The following CEACAM19 variants were observed in gnomAD, a reference collection of about 807,000 sequenced individuals.
The protein encoded by CEACAM19 is cell adhesion molecule CEACAM19.
In CEACAM19, 37 loss-of-function variants were observed where a neutral mutation model predicts 37.6. The observed-to-expected ratio is 0.98, with a 90% CI of 0.76 to 1.29. CEACAM19 has a LOEUF of 1.29. CEACAM19 is among the 50% of genes most tolerant of loss of function. The pLI is 0.00. For synonymous variants in CEACAM19, 140 were observed against 149.8 expected (o/e 0.93, Z 0.48); for missense variants, 340 against 375.6 (o/e 0.91, Z 0.78).
chr19:44,668,003 AGATTTATAT>A (rs1167099126), upstream of CEACAM19, among the ~76,000 whole-genome samples: 3 of 34 alleles, frequency 0.088, no homozygotes, highest in South Asian at 0.25. Context: ...ATATTTATAT[AGATTTATAT>A]TATTTATATA....
intron 2 of CEACAM19, among the ~76,000 whole-genome samples, chr19:44,674,695 C>A (rs989143070): frequency 1.3e-5 from 2 of 152,156 alleles, no homozygotes; most frequent in African/African-American, 4.8e-5. Context: ...GAGCCACCAC[C>A]CCTGGCCCCT....
chr19:44,683,269 C>T, intron 7 of CEACAM19, 168 bp from the exon 8 acceptor site: 1 of 495,814 alleles, frequency 2.0e-6, no homozygotes, highest in Non-Finnish European at 3.7e-6. Context: ...CTTGGCTCTT[C>T]CAGGACCTCT....
At chr19:44,667,758 ATT>A (rs1973751797), upstream of CEACAM19, among the ~76,000 whole-genome samples, 1 of 74,674 alleles carries the variant, frequency 1.3e-5, no homozygotes, top group African/African-American at 5.7e-5. Flanking sequence ...AATTATATAA[ATT>A]ATATATATTT....
At chr19:44,676,212 G>A in intron 2 of CEACAM19, 59 bp from the exon 3 acceptor site, 3 of 1,552,046 alleles carry the variant, frequency 1.9e-6, no homozygotes, top group Middle Eastern at 1.7e-4. Context: ...AGGGACTGGG[G>A]GAGCCCTCAG....
intron 7 of CEACAM19, chr19:44,683,039 T>A (rs113519189): frequency 1.6e-5 from 4 of 245,580 alleles, no homozygotes; most frequent in Non-Finnish European, 3.1e-5. Context: ...TGTATGTCTG[T>A]CTTCCCCTTT....
At chr19:44,670,972 G>A (rs990641756), upstream of CEACAM19, among the ~76,000 whole-genome samples, 1 of 151,880 alleles carries the variant, frequency 6.6e-6, no homozygotes, top group African/African-American at 2.4e-5. Flanking sequence ...GCGCATGCCT[G>A]CATTTCCAGC....
chr19:44,677,432 G>GGAGA (rs146217697), intron 3 of CEACAM19, among the ~76,000 whole-genome samples: 743 of 147,880 alleles, frequency 5.0e-3, no homozygotes, highest in African/African-American at 0.016. Context: ...CTACTTGTAT[G>GGAGA]GAGAGAGAGA....
chr19:44,667,563 AATAT>A (rs971020952), upstream of CEACAM19, among the ~76,000 whole-genome samples: 2 of 118,438 alleles, frequency 1.7e-5, no homozygotes, highest in African/African-American at 6.4e-5. Flanking sequence ...ATGTATATGT[AATAT>A]ATATATAAAT....
chr19:44,680,174 G>A (rs1974029011), intron 4 of CEACAM19, 114 bp from the exon 5 acceptor site: 2 of 790,284 alleles, frequency 2.5e-6, no homozygotes, highest in East Asian at 5.0e-5. Context: ...CACTCTGAAG[G>A]AGAGACCATG....
rs1360806799 is a variant in CEACAM19, at chr19:44,680,349, C to T, written c.706+15C>T. ...TCATGATGCTGGTAAGGCGGGAGCC[C>T]CAGATCTCACTACCTAGCCCTCCTC... On this transcript the variant is annotated intron_variant, in intron 5 of 7. Coordinates refer to ENST00000358777, the MANE Select transcript of CEACAM19 (RefSeq NM_001127893.3). 4 of 1,607,976 alleles carry T rather than the reference C, an allele frequency of 2.5e-6. No individual in the cohort carries two copies. Among genetic ancestry groups the T allele is most frequent in the Non-Finnish European group, 3.4e-6 (4 of 1,177,284 alleles).
upstream of CEACAM19, among the ~76,000 whole-genome samples, chr19:44,671,077 C>T (rs900618761): frequency 2.0e-5 from 3 of 151,102 alleles, no homozygotes; most frequent in South Asian, 4.2e-4. Flanking sequence ...GCAACAAGAG[C>T]GAAACTCCAT....
At chr19:44,678,962 G>T in intron 4 of CEACAM19, 26 bp downstream of exon 4, 1 of 1,612,180 alleles carries the variant, frequency 6.2e-7, no homozygotes, top group South Asian at 1.1e-5. Context: ...TACTTATTTA[G>T]TGAACTAACA....
upstream of CEACAM19, among the ~76,000 whole-genome samples, chr19:44,670,964 G>T (rs959179555): frequency 1.3e-5 from 2 of 151,834 alleles, no homozygotes; most frequent in African/African-American, 2.4e-5. Context: ...GCGTGGTGGC[G>T]CATGCCTGCA....
At position 44,674,837 on chromosome 19, in the gene CEACAM19, C is replaced by T. The variant is rs148905570; in HGVS notation, c.425-1434C>T. On this transcript the variant is annotated intron_variant, in intron 2 of 7. Transcript: ENST00000358777. The stretch of plus-strand genomic sequence containing the variant: ...ATCTGCATAAAATGACACTCTAGTC[C>T]GGTTGGAGATAACAGTCCTTACTTC... Among the ~76,000 whole-genome samples the T allele has an allele frequency of 3.8e-3, 575 of 152,246 alleles. 4 individuals are homozygous for T. Among genetic ancestry groups the T allele is most frequent in the Middle Eastern group, 0.014 (4 of 294 alleles).
In CEACAM19 at chr19:44,681,165, GCAGT is replaced by G. The variant is rs1474682140; in HGVS notation, c.707-58_707-55del. ...TAAATAAATAAATGAATGTCAACAG[GCAGT>G]CAGAGTGGCCTGTGGGGCCCATGTG... On this transcript the variant is annotated intron_variant, in intron 5 of 7. Coordinates refer to ENST00000358777, the MANE Select transcript of CEACAM19 (RefSeq NM_001127893.3). The G allele has an allele frequency of 3.8e-6, 4 of 1,052,364 alleles. No individual in the cohort carries two copies. In the South Asian group the frequency reaches 3.9e-5, roughly 10 times the overall value. 65.2% of individuals were successfully genotyped at this position (1,052,364 alleles called of 1,614,324 possible). A position where few individuals can be genotyped will look rare whatever the true frequency, so the allele number is the denominator to read the frequency against.
chr19:44,672,482 A>C, intron 1 of CEACAM19, 114 bp from the exon 2 acceptor site: 7 of 1,161,048 alleles, frequency 6.0e-6, no homozygotes, highest in Non-Finnish European at 8.1e-6. Context: ...CATTGTTTCC[A>C]ATGAGCAGCA....
At chr19:44,672,075 T>A in intron 1 of CEACAM19, 89 bp downstream of exon 1, 1 of 1,066,538 alleles carries the variant, frequency 9.4e-7, no homozygotes, top group Non-Finnish European at 1.4e-6. Context: ...AGGGAAAGAT[T>A]ACCTGAGAGG....
chr19:44,668,901 C>T (rs1973813961), upstream of CEACAM19, among the ~76,000 whole-genome samples: 1 of 142,156 alleles, frequency 7.0e-6, no homozygotes, highest in African/African-American at 2.6e-5. Flanking sequence ...CTCACTATAA[C>T]CTCCACCTCC....
upstream of CEACAM19, among the ~76,000 whole-genome samples, chr19:44,668,077 ATATT>A (rs1284999167): frequency 1.2e-3 from 99 of 83,652 alleles, no homozygotes; most frequent in African/African-American, 4.6e-3. Context: ...ATATATAAAT[ATATT>A]TATATATTAT....
Sources: allele counts gnomAD v4.1 joint callset (sites outside exome capture counted in the v4.1 genomes callset), GRCh38; gene constraint gnomAD v4.1.1; transcripts MANE v1.5; gene names NCBI Gene and HGNC (gene_info 2026-07-23, HGNC 2026-07-21).